The following CCBE1 variants were observed in gnomAD, a reference collection of about 807,000 sequenced individuals.
The protein encoded by CCBE1 is collagen and calcium binding EGF domains 1.
A neutral mutation model predicts 50.0 loss-of-function variants in CCBE1; 37 were observed. The observed-to-expected ratio is 0.74, with a 90% CI of 0.57 to 0.97. The LOEUF is 0.97. CCBE1 is among the 50% of genes least tolerant of loss of function. The pLI, the probability that CCBE1 is intolerant of heterozygous loss-of-function variation, is 0.00. For missense variants in CCBE1, 538 were observed against 523.8 expected (o/e 1.03, Z -0.26); for synonymous variants, 234 against 203.7 (o/e 1.15, Z -1.27).
chr18:59,502,300 TG>T (rs1283277785), intron 2 of CCBE1, among the ~76,000 whole-genome samples: 7 of 152,238 alleles, frequency 4.6e-5, no homozygotes, highest in African/African-American at 1.7e-4. Context: ...ACCCTCGCCT[TG>T]AAACCTAAAC....
intron 2 of CCBE1, among the ~76,000 whole-genome samples, chr18:59,513,889 A>G (rs563876482): frequency 2.0e-5 from 3 of 152,140 alleles, no homozygotes; most frequent in South Asian, 4.2e-4. Flanking sequence ...GCAGGGGGAG[A>G]GAAGACCCCC....
At chr18:59,602,609 G>A (rs968420709) in intron 2 of CCBE1, among the ~76,000 whole-genome samples, 2 of 152,180 alleles carry the variant, frequency 1.3e-5, no homozygotes, top group African/African-American at 4.8e-5. Flanking sequence ...ATTGGATAAA[G>A]AGAAAAGTCC....
intron 2 of CCBE1, chr18:59,685,916 G>A (rs2054647914): frequency 2.0e-5 from 3 of 152,198 alleles, no homozygotes; most frequent in Admixed American, 1.3e-4. Context: ...TGAAGCCTGG[G>A]CACCTGCATT....
intron 2 of CCBE1, among the ~76,000 whole-genome samples, chr18:59,672,489 G>C (rs2054445680): frequency 6.6e-6 from 1 of 152,214 alleles, no homozygotes; most frequent in African/African-American, 2.4e-5. Context: ...CAGATGCCCT[G>C]CCTAGACTAC....
chr18:59,697,369 C>T lies in CCBE1; in HGVS notation c.-27G>A. 2 of 1,541,630 alleles carry T rather than the reference C, an allele frequency of 1.3e-6. No homozygotes were observed. The highest frequency in any genetic ancestry group is 1.7e-6 in the Non-Finnish European group (2 of 1,145,734). On this transcript the variant is annotated 5_prime_UTR_variant, in exon 1 of 11. Coordinates refer to ENST00000439986, the MANE Select transcript of CCBE1 (RefSeq NM_133459.4). ...AGGGAAGCTCCCGGCTTCTTCCCAG[C>T]GCCGAGCTCCGTCCGGACCAAGCGT...
chr18:59,590,121 C>T (rs1478930615), intron 2 of CCBE1, among the ~76,000 whole-genome samples: 2 of 152,290 alleles, frequency 1.3e-5, no homozygotes, highest in Non-Finnish European at 1.5e-5. Context: ...AGACACTACC[C>T]CCACTACTAC....
chr18:59,576,229 T>C (rs2052992991), intron 2 of CCBE1, among the ~76,000 whole-genome samples: 1 of 152,250 alleles, frequency 6.6e-6, no homozygotes. Context: ...CTATAAATAT[T>C]TGCATACAAG....
intron 2 of CCBE1, among the ~76,000 whole-genome samples, chr18:59,586,161 A>G (rs2053175685): frequency 2.6e-5 from 4 of 152,248 alleles, no homozygotes; most frequent in Admixed American, 2.6e-4. Flanking sequence ...CACTTTAGTC[A>G]TAAGAGATTT....
At chr18:59,461,827 G>C (rs1477532765) in intron 5 of CCBE1, among the ~76,000 whole-genome samples, 2 of 149,650 alleles carry the variant, frequency 1.3e-5, no homozygotes, top group Non-Finnish European at 3.0e-5. Flanking sequence ...CAGCCTCCTG[G>C]GTTCAAGCGA....
intron 2 of CCBE1, among the ~76,000 whole-genome samples, chr18:59,661,823 G>A (rs934308573): frequency 5.3e-5 from 8 of 151,784 alleles, no homozygotes; most frequent in African/African-American, 9.7e-5. Context: ...AAAAACTAGC[G>A]GGGCACAATG....
At chr18:59,655,704 A>G (rs1461480878) in intron 2 of CCBE1, among the ~76,000 whole-genome samples, 1 of 152,210 alleles carries the variant, frequency 6.6e-6, no homozygotes, top group African/African-American at 2.4e-5. Context: ...ACCTCCAAGA[A>G]AGAAGACAAT....
At chr18:59,496,262 C>T (rs541464121) in intron 2 of CCBE1, among the ~76,000 whole-genome samples, 12 of 152,268 alleles carry the variant, frequency 7.9e-5, no homozygotes, top group African/African-American at 2.9e-4. Flanking sequence ...TGACCATGAA[C>T]ACCTAGAAGG....
chr18:59,578,156 C>G (rs1245828483), intron 2 of CCBE1, among the ~76,000 whole-genome samples: 1 of 152,164 alleles, frequency 6.6e-6, no homozygotes, highest in Non-Finnish European at 1.5e-5. Flanking sequence ...TGAACAGACA[C>G]TTCTTAAAAG....
In CCBE1 at chr18:59,469,246, A is replaced by ATGTC. The variant is rs1459634086; in HGVS notation, c.400+223_400+226dup. Among the ~76,000 whole-genome samples the ATGTC allele has an allele frequency of 2.0e-5, 3 of 152,310 alleles. No individual in the cohort carries two copies. In the East Asian group the frequency reaches 5.8e-4, roughly 29 times the overall value. On this transcript the variant is annotated intron_variant, in intron 4 of 10. Coordinates refer to ENST00000439986, the MANE Select transcript of CCBE1 (RefSeq NM_133459.4). ...GGCATGTTCCCCTTCTCCTGCTCTT[A>ATGTC]TGTCTCATTGCCAATTAGGACCTTG...
At chr18:59,614,909 C>T (rs1348108140) in intron 2 of CCBE1, among the ~76,000 whole-genome samples, 1 of 152,224 alleles carries the variant, frequency 6.6e-6, no homozygotes, top group African/African-American at 2.4e-5. Flanking sequence ...TCCTCCCACA[C>T]CTCTACAACA....
At chr18:59,568,858 G>A (rs1302459625) in intron 2 of CCBE1, among the ~76,000 whole-genome samples, 1 of 152,198 alleles carries the variant, frequency 6.6e-6, no homozygotes, top group Non-Finnish European at 1.5e-5. Context: ...ACAGCAAGCT[G>A]ATTCACACGT....
At chr18:59,468,570 T>A (rs1453925441) in intron 4 of CCBE1, among the ~76,000 whole-genome samples, 1 of 152,118 alleles carries the variant, frequency 6.6e-6, no homozygotes, top group Non-Finnish European at 1.5e-5. Flanking sequence ...CATTCCCAAA[T>A]GCCGACAGGG....
At chr18:59,697,512 G>T (rs945959123), upstream of CCBE1, 3 of 863,086 alleles carry the variant, frequency 3.5e-6, no homozygotes, top group African/African-American at 3.4e-5. Flanking sequence ...GGGCTGGGGG[G>T]AAAATGAGGC....
chr18:59,494,979 C>A (rs1157733033), intron 2 of CCBE1, among the ~76,000 whole-genome samples: 1 of 152,118 alleles, frequency 6.6e-6, no homozygotes, highest in Admixed American at 6.5e-5. Flanking sequence ...CATGGTAAAA[C>A]CCTGTCTCTA....
Sources: allele counts gnomAD v4.1 joint callset (sites outside exome capture counted in the v4.1 genomes callset), GRCh38; gene constraint gnomAD v4.1.1; transcripts MANE v1.5; gene names NCBI Gene and HGNC (gene_info 2026-07-23, HGNC 2026-07-21).